Variants in GPBP1 observed in about 807,000 individuals in gnomAD.
GPBP1 encodes GC-rich promoter binding protein 1.
In GPBP1, 13 loss-of-function variants were observed where a neutral mutation model predicts 56.5. That is an observed-to-expected ratio of 0.23 (90% CI 0.15 to 0.37). The LOEUF (loss-of-function observed/expected upper bound fraction) is 0.37. GPBP1 is among the 10% of genes least tolerant of loss of function. The pLI is 1.00. For missense variants in GPBP1, 477 were observed against 572.3 expected (o/e 0.83, Z 1.70); for synonymous variants, 204 against 188.9 (o/e 1.08, Z -0.66).
Position 57,177,180 on chromosome 5 carries a change from T to A in GPBP1, c.-58+780T>A, listed in dbSNP as rs559608715. ...TAAGTTTGTAAGCAAAGCTTTTTTT[T>A]AAAAAAAGTTGTGAATTAATTGCTA... is the stretch of plus-strand genomic sequence containing the variant. On this transcript the variant is annotated intron_variant, in intron 2 of 11. Coordinates refer to ENST00000506184, the MANE Select transcript of GPBP1 (RefSeq NM_022913.4). 8.2e-4 allele frequency among the ~76,000 whole-genome samples: 125 copies of A among 152,220 alleles called. 1 individual carries two copies. The highest frequency in any genetic ancestry group is 2.7e-3 in the African/African-American group (113 of 41,540).
intron 10 of GPBP1, among the ~76,000 whole-genome samples, chr5:57,253,997 G>T (rs757600096): frequency 6.6e-6 from 1 of 152,164 alleles, no homozygotes; most frequent in South Asian, 2.1e-4. Context: ...GAGTGCAGTG[G>T]CACAGTGATG....
At chr5:57,225,214 T>G (rs554005308) in intron 3 of GPBP1, among the ~76,000 whole-genome samples, 1 of 152,228 alleles carries the variant, frequency 6.6e-6, no homozygotes, top group East Asian at 1.9e-4. Context: ...ATCCCAGCAC[T>G]TTGGGAGGCC....
In GPBP1 at chr5:57,197,809, T is replaced by C. The variant is rs145290779; in HGVS notation, c.-57-16265T>C. ...AAATTCTTTGTTTCCTTTTTATTCATAGTTTTTTTTTAATGATCTCTTTCA... is the reference window on the plus strand; with the variant it reads ...AAATTCTTTGTTTCCTTTTTATTCACAGTTTTTTTTTAATGATCTCTTTCA... On this transcript the variant is annotated intron_variant, in intron 2 of 11. Coordinates refer to ENST00000506184, the MANE Select transcript of GPBP1 (RefSeq NM_022913.4). Among the ~76,000 whole-genome samples, 13 of 152,254 alleles carry C rather than the reference T, an allele frequency of 8.5e-5. No homozygotes were observed. In the East Asian group the frequency reaches 2.5e-3, roughly 29 times the overall value.
chr5:57,246,388 A>G lies in GPBP1; in HGVS notation c.567A>G (p.Pro189=). Residue 189 remains proline (P), a synonymous_variant, in exon 7 of 12, where the codon CCA becomes CCG. Transcript: ENST00000506184. The part of the protein sequence containing the change: ...NTKDLQLSGF[P]VVGNLPSQPV... ...AAGACTTACAGCTATCTGGATTCCC[A>G]GTAGTAGGAAATCTTCCGTCACAGC... 1 of 1,613,516 alleles carries G rather than the reference A, an allele frequency of 6.2e-7. No individual in the cohort carries two copies. Among genetic ancestry groups the G allele is most frequent in the Non-Finnish European group, 8.5e-7 (1 of 1,179,452 alleles).
intron 2 of GPBP1, among the ~76,000 whole-genome samples, chr5:57,204,159 A>C (rs1434529621): frequency 6.6e-6 from 1 of 150,520 alleles, no homozygotes; most frequent in African/African-American, 2.4e-5. Flanking sequence ...AACTGAAGCA[A>C]ACAATTCAGT....
At chr5:57,228,751 T>A (rs1054161433) in intron 3 of GPBP1, among the ~76,000 whole-genome samples, 2 of 151,896 alleles carry the variant, frequency 1.3e-5, no homozygotes, top group African/African-American at 2.4e-5. Flanking sequence ...TACAAAAAAA[T>A]TTTTAAAATG....
intron 3 of GPBP1, among the ~76,000 whole-genome samples, chr5:57,220,023 C>T (rs1051486044): frequency 1.3e-5 from 2 of 150,122 alleles, no homozygotes; most frequent in Admixed American, 1.3e-4. Flanking sequence ...TGCACTTCAG[C>T]CTGGGCAACA....
At chr5:57,182,501 T>C (rs1460544886) in intron 2 of GPBP1, among the ~76,000 whole-genome samples, 1 of 151,430 alleles carries the variant, frequency 6.6e-6, no homozygotes, top group East Asian at 1.9e-4. Flanking sequence ...GCCTCCCGAG[T>C]AGCTGGGATT....
chr5:57,200,136 C>T (rs1754944969), intron 2 of GPBP1, among the ~76,000 whole-genome samples: 1 of 146,840 alleles, frequency 6.8e-6, no homozygotes, highest in African/African-American at 2.5e-5. Context: ...CCCCGCCCCG[C>T]CCCTCCCCTC....
At chr5:57,210,190 T>C (rs1279922971) in intron 2 of GPBP1, among the ~76,000 whole-genome samples, 1 of 152,190 alleles carries the variant, frequency 6.6e-6, no homozygotes, top group African/African-American at 2.4e-5. Flanking sequence ...AAGAATAATC[T>C]TTTTTTAAAA....
chr5:57,230,819 T>TA, intron 3 of GPBP1, 27 bp from the exon 4 acceptor site: 1 of 1,575,330 alleles, frequency 6.3e-7, no homozygotes, highest in South Asian at 1.2e-5. Context: ...GTTTCATAAA[T>TA]ACCTGTATTT....
chr5:57,196,624 C>G (rs1261687266), intron 2 of GPBP1, among the ~76,000 whole-genome samples: 2 of 152,116 alleles, frequency 1.3e-5, no homozygotes, highest in Non-Finnish European at 2.9e-5. Context: ...AGGTCTCGCT[C>G]TGTCTTCCAG....
At chr5:57,227,718 C>G (rs969871230) in intron 3 of GPBP1, among the ~76,000 whole-genome samples, 1 of 152,178 alleles carries the variant, frequency 6.6e-6, no homozygotes, top group African/African-American at 2.4e-5. Context: ...GCCAACATCA[C>G]GCTTATGCTG....
intron 3 of GPBP1, among the ~76,000 whole-genome samples, chr5:57,228,777 A>C (rs2111840103): frequency 6.6e-6 from 1 of 152,050 alleles, no homozygotes; most frequent in African/African-American, 2.4e-5. Flanking sequence ...AGGTGCTAGG[A>C]TAAATCTATT....
At chr5:57,200,318 A>C (rs1002944352) in intron 2 of GPBP1, among the ~76,000 whole-genome samples, 1 of 151,284 alleles carries the variant, frequency 6.6e-6, no homozygotes. Context: ...AAAACAAAAC[A>C]TAAAGCATTG....
intron 3 of GPBP1, among the ~76,000 whole-genome samples, chr5:57,227,029 G>A (rs376206519): frequency 6.6e-6 from 1 of 151,468 alleles, no homozygotes; most frequent in South Asian, 2.1e-4. Context: ...GTGAGCCACC[G>A]TGCCCGGCCT....
chr5:57,186,495 G>A (rs1416165197), intron 2 of GPBP1, among the ~76,000 whole-genome samples: 2 of 151,926 alleles, frequency 1.3e-5, no homozygotes, highest in African/African-American at 2.4e-5. Context: ...TGTAGAAGTT[G>A]TGTAATTTCG....
intron 2 of GPBP1, among the ~76,000 whole-genome samples, chr5:57,213,078 G>A (rs1755559552): frequency 6.6e-6 from 1 of 150,972 alleles, no homozygotes; most frequent in Admixed American, 6.6e-5. Context: ...TTTTCAGAGG[G>A]AGCCTTGCTC....
At chr5:57,192,138 T>G (rs1052457760) in intron 2 of GPBP1, among the ~76,000 whole-genome samples, 4 of 152,210 alleles carry the variant, frequency 2.6e-5, no homozygotes, top group African/African-American at 9.6e-5. Flanking sequence ...CTGTTTCAGG[T>G]GAGTATCCTC....
Sources: allele counts gnomAD v4.1 joint callset (sites outside exome capture counted in the v4.1 genomes callset), GRCh38; gene constraint gnomAD v4.1.1; transcripts MANE v1.5; gene names NCBI Gene and HGNC (gene_info 2026-07-23, HGNC 2026-07-21).